AKAP13: variants seen among roughly 807,000 people sequenced by gnomAD.
The protein encoded by AKAP13 is A-kinase anchor protein 13.
A neutral mutation model predicts 264.5 loss-of-function variants in AKAP13; 80 were observed. The observed-to-expected ratio is 0.30, with a 90% CI of 0.25 to 0.36. AKAP13 has a LOEUF of 0.36. Among genes scored for constraint, AKAP13 ranks in the 10% least tolerant of loss-of-function variants. AKAP13 has a pLI of 1.00. For missense variants in AKAP13, 3,712 were observed against 3,435.2 expected, an observed-to-expected ratio of 1.08 and a Z score of -2.01; for synonymous variants, 1,380 against 1,250.2, an observed-to-expected ratio of 1.10 and a Z score of -2.19.
chr15:85,717,171 C>T (rs2151715648), intron 20 of AKAP13, 119 bp from the exon 21 acceptor site: 1 of 595,874 alleles, frequency 1.7e-6, no homozygotes, highest in Non-Finnish European at 2.8e-6. Context: ...AATTTGTCTT[C>T]AGTCACTGTA....
At chr15:85,512,647 G>A (rs988497763) in intron 2 of AKAP13, among the ~76,000 whole-genome samples, 3 of 151,890 alleles carry the variant, frequency 2.0e-5, no homozygotes, top group East Asian at 3.9e-4. Context: ...AAATACTCTC[G>A]GCTACAGCTT....
At chr15:85,631,530 A>G (rs1367415971) in intron 8 of AKAP13, among the ~76,000 whole-genome samples, 2 of 148,994 alleles carry the variant, frequency 1.3e-5, no homozygotes, top group African/African-American at 5.1e-5. Flanking sequence ...ACACACACAC[A>G]CACACACACA....
At chr15:85,741,734 A>AAC (rs1567226003) in intron 35 of AKAP13, among the ~76,000 whole-genome samples, 4 of 147,220 alleles carry the variant, frequency 2.7e-5, no homozygotes, top group East Asian at 2.0e-4. Flanking sequence ...ACAAACAAAA[A>AAC]AAAAAAACAG....
intron 1 of AKAP13, among the ~76,000 whole-genome samples, chr15:85,466,899 T>G (rs1452077540): frequency 6.6e-6 from 1 of 152,196 alleles, no homozygotes; most frequent in African/African-American, 2.4e-5. Context: ...CAACATGATT[T>G]TTATTTTGTT....
chr15:85,661,947 C>T (rs1458623400), intron 12 of AKAP13, among the ~76,000 whole-genome samples: 1 of 149,592 alleles, frequency 6.7e-6, no homozygotes, highest in Non-Finnish European at 1.5e-5. Flanking sequence ...CCCACCAGAG[C>T]ACAGTTTGTC....
At chr15:85,392,618 C>G (rs1343063569) in intron 1 of AKAP13, among the ~76,000 whole-genome samples, 1 of 152,074 alleles carries the variant, frequency 6.6e-6, no homozygotes, top group Non-Finnish European at 1.5e-5. Context: ...GTTGCCTAGG[C>G]TGGACTTGAA....
At position 85,639,410 on chromosome 15, in the gene AKAP13, C is replaced by T. The variant is rs775655343; in HGVS notation, c.4198C>T (p.Pro1400Ser). 6.2e-7 allele frequency: 1 copy of T among 1,612,766 alleles called. No homozygotes were observed. The highest frequency in any genetic ancestry group is 1.3e-5 in the African/African-American group (1 of 74,818). The change falls in exon 9 of 37, where the codon CCT becomes TCT. Residue 1400 changes from proline to serine, a missense_variant. Physicochemically the swap from Pro to Ser is moderately conservative, Grantham distance 74. This residue lies in a region of AKAP13 where 2,759 missense variants were observed against 2,411.7 expected (regional missense o/e 1.14). Transcript: ENST00000394518. Reference protein sequence around the residue: ...RENWCTIEPCPDAASLLASKQ... With the variant: ...RENWCTIEPCSDAASLLASKQ... The stretch of plus-strand genomic sequence containing the variant: ...AAACTGGTGTACAATAGAGCCATGC[C>T]CTGATGCAGCATCTCTTCTGGCTTC...
chr15:85,713,458 G>C (rs1389228024), intron 19 of AKAP13, among the ~76,000 whole-genome samples: 1 of 150,734 alleles, frequency 6.6e-6, no homozygotes, highest in African/African-American at 2.4e-5. Context: ...TCCTCCATCA[G>C]ATTTTATCCG....
chr15:85,415,172 A>ACGCTGC, intron 1 of AKAP13: 1 of 1,009,572 alleles, frequency 9.9e-7, no homozygotes, highest in Non-Finnish European at 1.5e-6. Context: ...ATGTGACAGC[A>ACGCTGC]CGCTGCCACG....
chr15:85,676,115 G>A lies in AKAP13; in HGVS notation c.5102-6043G>A, dbSNP rs142819626. On this transcript the variant is annotated intron_variant, in intron 14 of 36. Transcript: ENST00000394518. ...TTTAGTGGAGACGGGGTTTCACCGT[G>A]TTGGCCAGGCTAGTCTCAAACTCCT... Among the ~76,000 whole-genome samples the A allele has an allele frequency of 2.7e-3, 417 of 152,282 alleles. 3 individuals carry two copies. The highest frequency in any genetic ancestry group is 9.5e-3 in the African/African-American group (395 of 41,546).
In AKAP13 at chr15:85,581,276, A is replaced by G; in HGVS notation, c.3208A>G (p.Lys1070Glu). The change falls in exon 7 of 37, where the codon AAG becomes GAG. Residue 1070 changes from lysine to glutamate, a missense_variant. Lys to Glu is a moderately conservative substitution (Grantham distance 56, BLOSUM62 1). Around this residue, in one of 3 missense-constraint regions of AKAP13, gnomAD observed 2,759 missense variants for 2,411.7 expected, o/e 1.14. Coordinates refer to ENST00000394518, the MANE Select transcript of AKAP13 (RefSeq NM_007200.5). ...SQPSPLDVGV[K>E]NTQSQGKTSA... Reference sequence around the variant, plus strand: ...GCCTTCTCCTCTGGATGTTGGAGTGAAGAACACTCAATCCCAGGGAAAAAC... The same window carrying G: ...GCCTTCTCCTCTGGATGTTGGAGTGGAGAACACTCAATCCCAGGGAAAAAC... 1 of 1,614,196 alleles carries G rather than the reference A, an allele frequency of 6.2e-7. No homozygotes were observed.
At chr15:85,553,345 C>T (rs981810531) in intron 5 of AKAP13, among the ~76,000 whole-genome samples, 17 of 152,158 alleles carry the variant, frequency 1.1e-4, no homozygotes, top group African/African-American at 4.1e-4. Context: ...GCCTCGGCCT[C>T]CCAAAGTGCT....
intron 17 of AKAP13, among the ~76,000 whole-genome samples, chr15:85,699,817 T>A (rs2085805972): frequency 6.6e-6 from 1 of 152,254 alleles, no homozygotes; most frequent in South Asian, 2.1e-4. Context: ...AGCACCAGCT[T>A]GAATCAGAAG....
chr15:85,409,887 TC>T (rs2071876188), intron 1 of AKAP13, among the ~76,000 whole-genome samples: 1 of 151,640 alleles, frequency 6.6e-6, no homozygotes, highest in East Asian at 1.9e-4. Context: ...CGCCTCGGCC[TC>T]CCAAAGTGCT....
chr15:85,681,617 C>G (rs338507), intron 14 of AKAP13, among the ~76,000 whole-genome samples: 28,112 of 151,586 alleles, frequency 0.19, 2,916 homozygotes, highest in East Asian at 0.36. Flanking sequence ...ATCCAAAGGT[C>G]TCATCCCAAA....
At chr15:85,605,604 G>A (rs62023935) in intron 8 of AKAP13, among the ~76,000 whole-genome samples, 25,284 of 152,120 alleles carry the variant, frequency 0.17, 2,398 homozygotes, top group Non-Finnish European at 0.22. Flanking sequence ...CAAACCTCCC[G>A]AGTCATGCAC....
At position 85,735,688 on chromosome 15, in the gene AKAP13, C is replaced by G. The variant is rs560919507; in HGVS notation, c.7512+58C>G. On this transcript the variant is annotated intron_variant, in intron 32 of 36. Coordinates refer to ENST00000394518, the MANE Select transcript of AKAP13 (RefSeq NM_007200.5). ...TTGGCACTTTCCTCTGAATTCATAA[C>G]CTTTGAAATTATTTCACTTTGATGT... 3.4e-6 allele frequency: 5 copies of G among 1,484,558 alleles called. No individual in the cohort carries two copies. The East Asian group carries it at 1.1e-4, about 34-fold the overall frequency. 92.0% of individuals were successfully genotyped at this position (1,484,558 alleles called of 1,614,324 possible). A position where few individuals can be genotyped will look rare whatever the true frequency, so the allele number is the denominator to read the frequency against.
intron 17 of AKAP13, among the ~76,000 whole-genome samples, chr15:85,707,736 G>T (rs1597130719): frequency 1.3e-5 from 2 of 151,904 alleles, no homozygotes; most frequent in Admixed American, 6.6e-5. Context: ...CAGATCACTT[G>T]AGTCGTTGTT....
rs574029210 is a variant in AKAP13 at position 85,537,839 on chromosome 15, C to G, written c.478+3959C>G. ...ATTTTGAATGTACCATTTGGAGACA[C>G]AAAACATTGATGTTTTACTTGTTAC... On this transcript the variant is annotated intron_variant, in intron 4 of 36. Transcript: ENST00000394518. 2.0e-5 allele frequency among the ~76,000 whole-genome samples: 3 copies of G among 152,326 alleles called. No homozygotes were observed. In the East Asian group the frequency reaches 5.8e-4, roughly 29 times the overall value.
Sources: gnomAD v4.1 joint callset for allele counts (sites outside exome capture counted in the v4.1 genomes callset) on GRCh38, gnomAD v4.1.1 for gene constraint, gnomAD v4.1.1 regional missense constraint, MANE v1.5 for transcripts, NCBI Gene and HGNC (gene_info 2026-07-23, HGNC 2026-07-21) for gene names.